CSRNP3: variants seen among roughly 807,000 people sequenced by gnomAD.
CSRNP3 encodes the protein cysteine/serine-rich nuclear protein 3.
In CSRNP3, 12 loss-of-function variants were observed where a neutral mutation model predicts 48.0. That is an observed-to-expected ratio of 0.25 (90% CI 0.16 to 0.41). The LOEUF (loss-of-function observed/expected upper bound fraction) is 0.41. Among genes scored for constraint, CSRNP3 ranks in the 10% least tolerant of loss-of-function variants. The pLI is 1.00. For synonymous variants in CSRNP3, 263 were observed against 269.7 expected, an observed-to-expected ratio of 0.98 and a Z score of 0.24; for missense variants, 580 against 724.4, an observed-to-expected ratio of 0.80 and a Z score of 2.29.
At chr2:165,527,762 G>T (rs1684757034) in intron 3 of CSRNP3, among the ~76,000 whole-genome samples, 1 of 152,038 alleles carries the variant, frequency 6.6e-6, no homozygotes, top group Non-Finnish European at 1.5e-5. Flanking sequence ...GAGATAAATG[G>T]CCAACTACTT....
chr2:165,549,011 T>C (rs1378784962), intron 3 of CSRNP3, among the ~76,000 whole-genome samples: 4 of 58,060 alleles, frequency 6.9e-5, no homozygotes, highest in Non-Finnish European at 1.4e-4. Context: ...TGAGGTAATG[T>C]CTTTTTTTTT....
chr2:165,559,328 G>A (rs1375013938), intron 3 of CSRNP3, among the ~76,000 whole-genome samples: 1 of 152,144 alleles, frequency 6.6e-6, no homozygotes, highest in South Asian at 2.1e-4. Context: ...ACTGCTGAAA[G>A]TGTCCCCTTT....
At position 165,679,524 on chromosome 2, in the gene CSRNP3, A is replaced by T. The variant is rs759687067; in HGVS notation, c.1529A>T (p.Asp510Val). ...VIVCCSSSEN[D>V]SGVPCNSLYP... ...GTTTGCTGCTCCTCTTCCGAAAATGATAGCGGTGTGCCCTGCAATAGTTTA... is the reference window on the plus strand; with the variant it reads ...GTTTGCTGCTCCTCTTCCGAAAATGTTAGCGGTGTGCCCTGCAATAGTTTA... The change falls in exon 7 of 7, where the codon GAT becomes GTT. Residue 510 changes from aspartate (D) to valine (V), a missense_variant. This residue lies in a region of CSRNP3 where 369 missense variants were observed against 380.8 expected (regional missense o/e 0.97). Transcript: ENST00000651982. The T allele has an allele frequency of 1.2e-6, 2 of 1,613,776 alleles. No individual in the cohort carries two copies. Among genetic ancestry groups the T allele is most frequent in the Non-Finnish European group, 1.7e-6 (2 of 1,179,970 alleles).
At chr2:165,588,883 G>A (rs1402583408) in intron 3 of CSRNP3, among the ~76,000 whole-genome samples, 1 of 152,146 alleles carries the variant, frequency 6.6e-6, no homozygotes. Flanking sequence ...GATCCCTTGA[G>A]CTCAGGAGGT....
At chr2:165,652,881 G>T (rs1260307948) in intron 4 of CSRNP3, among the ~76,000 whole-genome samples, 1 of 152,168 alleles carries the variant, frequency 6.6e-6, no homozygotes, top group Non-Finnish European at 1.5e-5. Flanking sequence ...CTCACGAAAG[G>T]CACATTCTCC....
chr2:165,568,740 T>A (rs2105272529), intron 3 of CSRNP3, among the ~76,000 whole-genome samples: 1 of 152,212 alleles, frequency 6.6e-6, no homozygotes. Context: ...TACTTCTGGC[T>A]GAAAAGAATT....
At position 165,617,601 on chromosome 2, in the gene CSRNP3, C is replaced by A. The variant is rs148525246; in HGVS notation, c.148+22388C>A. On this transcript the variant is annotated intron_variant, in intron 4 of 6. Coordinates refer to ENST00000651982, the MANE Select transcript of CSRNP3 (RefSeq NM_001172173.2). The stretch of plus-strand genomic sequence containing the variant: ...GGCTGGGCAGGCTGGGCCTTGGATC[C>A]CTGGTTGGTGCATGCAGGCACTAGC... 3.0e-3 allele frequency among the ~76,000 whole-genome samples: 449 copies of A among 152,202 alleles called. 4 individuals are homozygous for A. Among genetic ancestry groups the A allele is most frequent in the African/African-American group, 0.01 (429 of 41,518 alleles).
intron 5 of CSRNP3, among the ~76,000 whole-genome samples, chr2:165,675,327 C>T (rs1230938381): frequency 6.6e-6 from 1 of 151,808 alleles, no homozygotes; most frequent in African/African-American, 2.4e-5. Flanking sequence ...AATTAAAATC[C>T]CTTCTGTATT....
intron 4 of CSRNP3, among the ~76,000 whole-genome samples, chr2:165,620,953 A>G (rs1206103169): frequency 6.6e-6 from 1 of 152,094 alleles, no homozygotes; most frequent in African/African-American, 2.4e-5. Flanking sequence ...CTTTATATAT[A>G]AAACTAATTA....
intron 1 of CSRNP3, among the ~76,000 whole-genome samples, chr2:165,476,123 A>G (rs551628454): frequency 2.0e-5 from 3 of 152,334 alleles, no homozygotes; most frequent in African/African-American, 4.8e-5. Flanking sequence ...ATGAATCCCC[A>G]TTCTCCTGAG....
At chr2:165,676,155 C>T (rs1368796501) in intron 5 of CSRNP3, among the ~76,000 whole-genome samples, 157 bp from the exon 6 acceptor site, 3 of 152,108 alleles carry the variant, frequency 2.0e-5, no homozygotes, top group African/African-American at 4.8e-5. Context: ...ATTTTTCTTT[C>T]TGTGATTTCT....
At chr2:165,559,966 AT>A (rs1207539017) in intron 3 of CSRNP3, among the ~76,000 whole-genome samples, 8 of 151,520 alleles carry the variant, frequency 5.3e-5, no homozygotes, top group Admixed American at 4.6e-4. Context: ...AGCCCGACTA[AT>A]TTTTTGCATT....
chr2:165,508,445 C>T (rs1293263219), intron 2 of CSRNP3, among the ~76,000 whole-genome samples: 1 of 152,074 alleles, frequency 6.6e-6, no homozygotes, highest in African/African-American at 2.4e-5. Flanking sequence ...CCACAGACTT[C>T]GTTTAATATT....
intron 1 of CSRNP3, among the ~76,000 whole-genome samples, chr2:165,484,123 T>C (rs1684082803): frequency 6.6e-6 from 1 of 152,140 alleles, no homozygotes; most frequent in Non-Finnish European, 1.5e-5. Context: ...TTTTATTATT[T>C]TTGAGACAGA....
chr2:165,476,280 C>G (rs1255563512), intron 1 of CSRNP3, among the ~76,000 whole-genome samples: 1 of 152,136 alleles, frequency 6.6e-6, no homozygotes, highest in Non-Finnish European at 1.5e-5. Flanking sequence ...GCTGCATAAG[C>G]TACAAAGAAA....
chr2:165,560,829 T>C (rs1413285950), intron 3 of CSRNP3, among the ~76,000 whole-genome samples: 4 of 152,224 alleles, frequency 2.6e-5, no homozygotes, highest in African/African-American at 9.6e-5. Context: ...TCCGTTTATG[T>C]ACTTGGCTTG....
At chr2:165,554,857 C>T (rs534713210) in intron 3 of CSRNP3, among the ~76,000 whole-genome samples, 7 of 152,288 alleles carry the variant, frequency 4.6e-5, no homozygotes, top group African/African-American at 1.7e-4. Context: ...AAAATTCTTA[C>T]AATTGCCTGC....
chr2:165,495,322 A>G (rs2105461059), intron 2 of CSRNP3, among the ~76,000 whole-genome samples: 1 of 152,186 alleles, frequency 6.6e-6, no homozygotes, highest in East Asian at 1.9e-4. Flanking sequence ...CTAGATGAGA[A>G]AATGATGTTT....
chr2:165,589,297 AC>A (rs1685680150), intron 3 of CSRNP3, among the ~76,000 whole-genome samples: 1 of 152,168 alleles, frequency 6.6e-6, no homozygotes, highest in African/African-American at 2.4e-5. Context: ...TCTCCCTTTA[AC>A]ACTCCTCTAT....
Sources: gnomAD v4.1 joint callset for allele counts (sites outside exome capture counted in the v4.1 genomes callset) on GRCh38, gnomAD v4.1.1 for gene constraint, gnomAD v4.1.1 regional missense constraint, MANE v1.5 for transcripts, NCBI Gene and HGNC (gene_info 2026-07-23, HGNC 2026-07-21) for gene names.